Variants in ZNF562 observed in about 807,000 individuals in gnomAD.
ZNF562 encodes the protein zinc finger protein 562.
Under a neutral mutation model 17.5 loss-of-function variants are expected in ZNF562, and 13 were observed. The ratio of observed to expected loss-of-function variants is 0.74; its 90% CI spans 0.48 to 1.18. The LOEUF (loss-of-function observed/expected upper bound fraction) is 1.18, where lower values mean the gene tolerates loss of function less well. Among genes scored for constraint, ZNF562 ranks in the 50% most tolerant of loss-of-function variants. The pLI is 0.00. For synonymous variants in ZNF562, 163 were observed against 165.4 expected (o/e 0.99, Z 0.11); for missense variants, 481 against 498.5 (o/e 0.96, Z 0.33).
chr19:9,649,446 T>C lies in ZNF562; in HGVS notation c.*3503A>G, dbSNP rs1240874638. On this transcript the variant is annotated 3_prime_UTR_variant, in exon 6 of 6. Coordinates refer to ENST00000453372, the MANE Select transcript of ZNF562 (RefSeq NM_001130031.2). ...TGGAACAAAGCCACATTTCTCTTCTTTCACAAGCAAATGGGAGAAATATCA... is the reference window on the plus strand; with the variant it reads ...TGGAACAAAGCCACATTTCTCTTCTCTCACAAGCAAATGGGAGAAATATCA... 2.0e-5 allele frequency: 3 copies of C among 152,210 alleles called. No homozygotes were observed. The highest frequency in any genetic ancestry group is 4.4e-5 in the Non-Finnish European group (3 of 68,030). The allele number at this position is 152,210 out of a possible 1,614,324, so 9.4% of individuals were successfully genotyped here. A position where few individuals can be genotyped will look rare whatever the true frequency, so the allele number is the denominator to read the frequency against.
Position 9,667,647 on chromosome 19 carries a change from CA to C in ZNF562, c.-130-6774del, listed in dbSNP as rs561436739. The stretch of plus-strand genomic sequence containing the variant: ...TCCCTCTGTTGCTCAGGCTAGAATG[CA>C]GTGGTGATCATAGCTCACTGCAGCC... On this transcript the variant is annotated intron_variant, in intron 1 of 5. Coordinates refer to ENST00000453372, the MANE Select transcript of ZNF562 (RefSeq NM_001130031.2). Among the ~76,000 whole-genome samples, 101 of 152,262 alleles carry C rather than the reference CA, an allele frequency of 6.6e-4. 2 individuals carry two copies. In the East Asian group the frequency reaches 0.019, roughly 28 times the overall value.
chr19:9,669,722 GCGCGCGCGCGCGCA>G (rs1305703140), intron 1 of ZNF562, among the ~76,000 whole-genome samples: 1,962 of 97,422 alleles, frequency 0.02, 15 homozygotes, highest in African/African-American at 0.034. Context: ...GCGCGAGCGC[GCGCGCGCGCGCGCA>G]CACACACACA....
chr19:9,671,209 G>A (rs980089004), intron 1 of ZNF562, among the ~76,000 whole-genome samples: 1 of 152,108 alleles, frequency 6.6e-6, no homozygotes, highest in African/African-American at 2.4e-5. Context: ...TTATGTGAAT[G>A]TATCAAATTA....
At position 9,643,669 on chromosome 19, in the gene ZNF562, AT is replaced by A. The variant is rs991360621; in HGVS notation, c.*9279del. On this transcript the variant is annotated 3_prime_UTR_variant, in exon 6 of 6. Coordinates refer to ENST00000453372, the MANE Select transcript of ZNF562 (RefSeq NM_001130031.2). ...TGATCTTGGCTCACTGCATTTTTTAATTTTTAAGTTTTTTGTAGATGGGGGG... is the reference window on the plus strand; with the variant it reads ...TGATCTTGGCTCACTGCATTTTTTAATTTTAAGTTTTTTGTAGATGGGGGG... 7 of 137,978 alleles carry A rather than the reference AT, an allele frequency of 5.1e-5. No homozygotes were observed. The highest frequency in any genetic ancestry group is 2.2e-4 in the African/African-American group (7 of 32,098). 8.5% of individuals were successfully genotyped at this position (137,978 alleles called of 1,614,324 possible).
chr19:9,651,885 T>A lies in ZNF562; in HGVS notation c.*1064A>T, dbSNP rs1390752326. 2 of 152,186 alleles carry A rather than the reference T, an allele frequency of 1.3e-5. No homozygotes were observed. Among genetic ancestry groups the A allele is most frequent in the Admixed American group, 6.5e-5 (1 of 15,286 alleles). 9.4% of individuals were successfully genotyped at this position (152,186 alleles called of 1,614,324 possible). On this transcript the variant is annotated 3_prime_UTR_variant, in exon 6 of 6. Coordinates refer to ENST00000453372, the MANE Select transcript of ZNF562 (RefSeq NM_001130031.2). Reference sequence around the variant, plus strand: ...TATATTTCTGTGTCTTTGTCTTAATTCCTCTAGAGCCACTGGGTTAGGGTC... The same window carrying A: ...TATATTTCTGTGTCTTTGTCTTAATACCTCTAGAGCCACTGGGTTAGGGTC...
Position 9,645,218 on chromosome 19 carries a change from TGTATTTTTA to T in ZNF562, c.*7722_*7730del, listed in dbSNP as rs1238445692. The T allele has an allele frequency of 6.6e-6, 1 of 152,164 alleles. No homozygotes were observed. Among genetic ancestry groups the T allele is most frequent in the African/African-American group, 2.4e-5 (1 of 41,430 alleles). 9.4% of individuals were successfully genotyped at this position (152,164 alleles called of 1,614,324 possible). A position where few individuals can be genotyped will look rare whatever the true frequency, so the allele number is the denominator to read the frequency against. ...AGTGCCACCACACCCAGCTAATTTT[TGTATTTTTA>T]GTAGAGATGGGGGTTCACCATGTTG... is the stretch of plus-strand genomic sequence containing the variant. On this transcript the variant is annotated 3_prime_UTR_variant, in exon 6 of 6. Transcript: ENST00000453372.
intron 1 of ZNF562, among the ~76,000 whole-genome samples, chr19:9,666,374 A>G (rs1191047352): frequency 6.6e-6 from 1 of 152,090 alleles, no homozygotes; most frequent in African/African-American, 2.4e-5. Context: ...TGGTTTTGGT[A>G]TGTTGACAAA....
At position 9,653,520 on chromosome 19, in the gene ZNF562, C is replaced by T; in HGVS notation, c.710G>A (p.Cys237Tyr). Reference protein sequence around the residue: ...IGEKLCEFQECERAITTSSHL... With the variant: ...IGEKLCEFQEYERAITTSSHL... ...TGAGGAAGTTGTGATGGCTCTCTCA[C>T]ATTCCTGAAATTCACAGAGTTTCTC... The change falls in exon 6 of 6, where the codon TGT becomes TAT. Residue 237 changes from cysteine to tyrosine, a missense_variant. Cys to Tyr is a radical substitution (Grantham distance 194). Transcript: ENST00000453372. 2 of 1,614,214 alleles carry T rather than the reference C, an allele frequency of 1.2e-6. No individual in the cohort carries two copies. Among genetic ancestry groups the T allele is most frequent in the South Asian group, 2.2e-5 (2 of 91,088 alleles).
chr19:9,644,230 G>A lies in ZNF562; in HGVS notation c.*8719C>T, dbSNP rs2074791972. 1 of 152,036 alleles carries A rather than the reference G, an allele frequency of 6.6e-6. No individual in the cohort carries two copies. Among genetic ancestry groups the A allele is most frequent in the Non-Finnish European group, 1.5e-5 (1 of 68,014 alleles). 9.4% of individuals were successfully genotyped at this position (152,036 alleles called of 1,614,324 possible). On this transcript the variant is annotated 3_prime_UTR_variant, in exon 6 of 6. Transcript: ENST00000453372. ...ATCATAAAAAGATTTAGCAAGATTT[G>A]CTTCATTGTTAATACTCTGAAAGGA...
intron 4 of ZNF562, 69 bp from the exon 5 acceptor site, chr19:9,656,722 A>C: frequency 1.3e-6 from 2 of 1,522,116 alleles, no homozygotes; most frequent in South Asian, 1.1e-5. Context: ...AATTAAACAC[A>C]GTATGAAAAT....
chr19:9,668,760 AAAC>A (rs1301218806), intron 1 of ZNF562, among the ~76,000 whole-genome samples: 1 of 150,920 alleles, frequency 6.6e-6, no homozygotes, highest in African/African-American at 2.5e-5. Flanking sequence ...GACATAAAAA[AAAC>A]AAACAAACAC....
intron 1 of ZNF562, among the ~76,000 whole-genome samples, chr19:9,663,618 C>T (rs775255426): frequency 6.6e-6 from 1 of 151,832 alleles, no homozygotes; most frequent in Admixed American, 6.6e-5. Context: ...TTGCTCTTAT[C>T]GCCCAGGCTA....
At chr19:9,664,737 C>T (rs576551497) in intron 1 of ZNF562, among the ~76,000 whole-genome samples, 15 of 151,556 alleles carry the variant, frequency 9.9e-5, no homozygotes, top group African/African-American at 2.2e-4. Flanking sequence ...GGCAGAAGTT[C>T]GAGACCAGCT....
rs1172589315 is a variant in ZNF562 at position 9,645,832 on chromosome 19, A to T, written c.*7117T>A. On this transcript the variant is annotated 3_prime_UTR_variant, in exon 6 of 6. Transcript: ENST00000453372. ...TTAGAAAGAAAAGGTATTAAGGAAG[A>T]CTTATATTTAAAATTGTTATTTATG... The T allele has an allele frequency of 2.0e-5, 3 of 152,360 alleles. No individual in the cohort carries two copies. In the East Asian group the frequency reaches 5.8e-4, roughly 29 times the overall value. The allele number at this position is 152,360 out of a possible 1,614,324, so 9.4% of individuals were successfully genotyped here. A position where few individuals can be genotyped will look rare whatever the true frequency, so the allele number is the denominator to read the frequency against.
chr19:9,667,109 C>T (rs1342132888), intron 1 of ZNF562, among the ~76,000 whole-genome samples: 1 of 152,124 alleles, frequency 6.6e-6, no homozygotes, highest in African/African-American at 2.4e-5. Flanking sequence ...AACATACCTG[C>T]AAAAATTCTC....
At position 9,652,452 on chromosome 19, in the gene ZNF562, C is replaced by T. The variant is rs1396624441; in HGVS notation, c.*497G>A. Reference sequence around the variant, plus strand: ...CATGAATGTGCCACACTGGCAGCCACTAACCAACAGGGGCTGGGATCAATC... The same window carrying T: ...CATGAATGTGCCACACTGGCAGCCATTAACCAACAGGGGCTGGGATCAATC... On this transcript the variant is annotated 3_prime_UTR_variant, in exon 6 of 6. Coordinates refer to ENST00000453372, the MANE Select transcript of ZNF562 (RefSeq NM_001130031.2). 2 of 152,324 alleles carry T rather than the reference C, an allele frequency of 1.3e-5. No individual in the cohort carries two copies. Among genetic ancestry groups the T allele is most frequent in the Admixed American group, 6.6e-5 (1 of 15,258 alleles). 9.4% of individuals were successfully genotyped at this position (152,324 alleles called of 1,614,324 possible).
intron 1 of ZNF562, among the ~76,000 whole-genome samples, chr19:9,665,008 GGTCAGGA>G (rs887783619): frequency 2.0e-5 from 3 of 152,158 alleles, no homozygotes; most frequent in Non-Finnish European, 4.4e-5. Flanking sequence ...GCTCACCTGA[GGTCAGGA>G]GTTTGAGACC....
Position 9,645,037 on chromosome 19 carries a change from G to A in ZNF562, c.*7912C>T, listed in dbSNP as rs913118731. On this transcript the variant is annotated 3_prime_UTR_variant, in exon 6 of 6. Coordinates refer to ENST00000453372, the MANE Select transcript of ZNF562 (RefSeq NM_001130031.2). ...AGTGGGAGATGCCCAGTCTCTCTGT[G>A]AACATTGACAGAATTTTTTTTTTTT... The A allele has an allele frequency of 6.6e-6, 1 of 151,722 alleles. No individual in the cohort carries two copies. The highest frequency in any genetic ancestry group is 2.4e-5 in the African/African-American group (1 of 41,190). The allele number at this position is 151,722 out of a possible 1,614,324, so 9.4% of individuals were successfully genotyped here. A position where few individuals can be genotyped will look rare whatever the true frequency, so the allele number is the denominator to read the frequency against.
chr19:9,667,728 C>A (rs1200979903), intron 1 of ZNF562, among the ~76,000 whole-genome samples: 3 of 151,920 alleles, frequency 2.0e-5, no homozygotes, highest in African/African-American at 7.3e-5. Context: ...GTAGCTAGAA[C>A]CACAGGCATG....
Sources: gnomAD v4.1 joint callset for allele counts (sites outside exome capture counted in the v4.1 genomes callset) on GRCh38, gnomAD v4.1.1 for gene constraint, MANE v1.5 for transcripts, NCBI Gene and HGNC (gene_info 2026-07-23, HGNC 2026-07-21) for gene names.